LOX: variants seen among roughly 807,000 people sequenced by gnomAD.
LOX encodes the protein lysyl oxidase.
In LOX, 12 loss-of-function variants were observed where a neutral mutation model predicts 50.5. The observed-to-expected ratio is 0.24, with a 90% CI of 0.15 to 0.38. LOX has a LOEUF of 0.38. LOX is among the 10% of genes least tolerant of loss of function. The probability of loss-of-function intolerance (pLI) is 1.00; values close to 1 mark genes in which losing one functional copy is unlikely to be tolerated. For synonymous variants in LOX, 254 were observed against 230.6 expected (o/e 1.10, Z -0.92); for missense variants, 504 against 563.8 (o/e 0.89, Z 1.07).
chr5:122,077,344 G>A lies in LOX; in HGVS notation c.631+11C>T. ...TGCACGGGTGCTTCCAGCGGACTTG[G>A]GGGTACTTACCGTACTGGAAGTAGC... On this transcript the variant is annotated intron_variant, in intron 1 of 6. Transcript: ENST00000231004. The surrounding 1 kb of genome is among the most constrained non-coding windows in gnomAD (Gnocchi z 4.9). The A allele has an allele frequency of 1.2e-6, 2 of 1,613,622 alleles. No individual in the cohort carries two copies. The highest frequency in any genetic ancestry group is 8.5e-7 in the Non-Finnish European group (1 of 1,179,964).
At chr5:122,070,654 C>CA in intron 4 of LOX, 65 bp from the exon 5 acceptor site, 4 of 786,638 alleles carry the variant, frequency 5.1e-6, no homozygotes, top group African/African-American at 1.7e-5. Context: ...AAATAATATG[C>CA]TATTATTTGC....
At chr5:122,070,685 A>G in intron 4 of LOX, 96 bp from the exon 5 acceptor site, 1 of 635,010 alleles carries the variant, frequency 1.6e-6, no homozygotes. Context: ...TTAAGTTAGT[A>G]CTTACAAGAG....
intron 4 of LOX, among the ~76,000 whole-genome samples, chr5:122,071,578 A>G (rs1754454667): frequency 6.6e-6 from 1 of 152,184 alleles, no homozygotes; most frequent in Non-Finnish European, 1.5e-5. Context: ...TGCTTTTAAG[A>G]ATGTTATAGT....
At chr5:122,072,686 A>G (rs752963584) in intron 4 of LOX, among the ~76,000 whole-genome samples, 30 of 152,224 alleles carry the variant, frequency 2.0e-4, no homozygotes, top group Non-Finnish European at 3.5e-4. Context: ...ACAAATATAT[A>G]AATCGCTCAA....
rs1754280997 is a variant in LOX at position 122,065,729 on chromosome 5, C to T, written c.*1014G>A. On this transcript the variant is annotated 3_prime_UTR_variant, in exon 7 of 7. Transcript: ENST00000231004. ...GAACATCTTTTTAAAATCTAGAAAA[C>T]TTGAAAAATCCTAAAATGTTTTTCA... is the stretch of plus-strand genomic sequence containing the variant. The T allele has an allele frequency of 6.6e-6, 1 of 151,996 alleles. No individual in the cohort carries two copies. Among genetic ancestry groups the T allele is most frequent in the Non-Finnish European group, 1.5e-5 (1 of 67,964 alleles). The allele number at this position is 151,996 out of a possible 1,614,324, so 9.4% of individuals were successfully genotyped here. A position where few individuals can be genotyped will look rare whatever the true frequency, so the allele number is the denominator to read the frequency against.
chr5:122,078,198 C>T lies in LOX; in HGVS notation c.-213G>A. ...CGGACGTGGCACCCTTCCCTTTCCC[C>T]TTTCTCAGTCCTGGAAGGCAACGGG... On this transcript the variant is annotated 5_prime_UTR_variant, in exon 1 of 7. Transcript: ENST00000231004. The T allele has an allele frequency of 2.2e-6, 1 of 450,950 alleles. No homozygotes were observed. Among genetic ancestry groups the T allele is most frequent in the Non-Finnish European group, 3.8e-6 (1 of 264,206 alleles). The allele number at this position is 450,950 out of a possible 1,614,324, so 27.9% of individuals were successfully genotyped here. A position where few individuals can be genotyped will look rare whatever the true frequency, so the allele number is the denominator to read the frequency against.
Position 122,075,496 on chromosome 5 carries a change from C to A in LOX, c.786G>T (p.Leu262=), listed in dbSNP as rs1035943090. ...TTTTCACTCTTTGGGGAAATCTGAG[C>A]AGCACCCTGTGATCATAATCTCTGA... ...ADVRDYDHRV[L]LRFPQRVKNQ... Residue 262 remains leucine, a synonymous_variant, in exon 3 of 7, where the codon CTG becomes CTT. Coordinates refer to ENST00000231004, the MANE Select transcript of LOX (RefSeq NM_002317.7). The A allele has an allele frequency of 5.6e-6, 9 of 1,612,958 alleles. No individual in the cohort carries two copies. Among genetic ancestry groups the A allele is most frequent in the Non-Finnish European group, 7.6e-6 (9 of 1,179,332 alleles).
rs1035348231 is a variant in LOX, at chr5:122,064,049, G to C, written c.*2694C>G. 1.3e-5 allele frequency: 2 copies of C among 151,882 alleles called. No homozygotes were observed. The highest frequency in any genetic ancestry group is 2.1e-4 in the South Asian group (1 of 4,822). The allele number at this position is 151,882 out of a possible 1,614,324, so 9.4% of individuals were successfully genotyped here. A position where few individuals can be genotyped will look rare whatever the true frequency, so the allele number is the denominator to read the frequency against. On this transcript the variant is annotated 3_prime_UTR_variant, in exon 7 of 7. Transcript: ENST00000231004. ...CAGACTGTGGTCTGAATCATCATGAGATCGCTAATATGGCATATTGTAAAC... is the reference window on the plus strand; with the variant it reads ...CAGACTGTGGTCTGAATCATCATGACATCGCTAATATGGCATATTGTAAAC...
rs372215557 is a variant in LOX at position 122,071,048 on chromosome 5, C to A, written c.1036-459G>T. ...GTGGATAGCTTTTACAGTGTTTATC[C>A]CTTTTTGCTCTGCATTATAACATGC... On this transcript the variant is annotated intron_variant, in intron 4 of 6. Transcript: ENST00000231004. 2.7e-5 allele frequency among the ~76,000 whole-genome samples: 4 copies of A among 149,014 alleles called. No homozygotes were observed. In the East Asian group the frequency reaches 5.9e-4, roughly 22 times the overall value.
chr5:122,070,469 A>AT, intron 5 of LOX, 25 bp downstream of exon 5: 1 of 1,259,842 alleles, frequency 7.9e-7, no homozygotes, highest in Non-Finnish European at 1.2e-6. Flanking sequence ...ATATCAATAT[A>AT]TGATATATTT....
Position 122,077,145 on chromosome 5 carries a change from A to G in LOX, c.632-144T>C, listed in dbSNP as rs879306989. On this transcript the variant is annotated intron_variant, in intron 1 of 6. Transcript: ENST00000231004. This position sits in a 1 kb window ranked among gnomAD's most constrained non-coding sequence, Gnocchi z 4.9. Reference sequence around the variant, plus strand: ...GCGGAGGACAGCAAGAGAACTGGGGACGCCCGGGACTGCAAAGCAATGTGA... The same window carrying G: ...GCGGAGGACAGCAAGAGAACTGGGGGCGCCCGGGACTGCAAAGCAATGTGA... 2.9e-5 allele frequency: 43 copies of G among 1,468,904 alleles called. No individual in the cohort carries two copies. Among genetic ancestry groups the G allele is most frequent in the Non-Finnish European group, 3.7e-5 (41 of 1,116,012 alleles). The allele number at this position is 1,468,904 out of a possible 1,614,324, so 91.0% of individuals were successfully genotyped here.
intron 5 of LOX, 136 bp from the exon 6 acceptor site, chr5:122,070,304 T>C (rs371425918): frequency 7.5e-6 from 5 of 665,726 alleles, no homozygotes; most frequent in African/African-American, 3.6e-5. Flanking sequence ...GGAGACGTTA[T>C]GGAAAGAGAC....
At position 122,078,014 on chromosome 5, in the gene LOX, G is replaced by A. The variant is rs895776127; in HGVS notation, c.-29C>T. The A allele has an allele frequency of 6.9e-6, 10 of 1,439,172 alleles. No individual in the cohort carries two copies. The highest frequency in any genetic ancestry group is 1.9e-4 in the Middle Eastern group (1 of 5,404). 89.2% of individuals were successfully genotyped at this position (1,439,172 alleles called of 1,614,324 possible). On this transcript the variant is annotated 5_prime_UTR_variant, in exon 1 of 7. Transcript: ENST00000231004. Reference sequence around the variant, plus strand: ...TCCTTTTGCCAGATTGACCCCGCTCGAGGAGGACGTGGCTCACAGAAAATA... The same window carrying A: ...TCCTTTTGCCAGATTGACCCCGCTCAAGGAGGACGTGGCTCACAGAAAATA...
chr5:122,071,128 G>A lies in LOX; in HGVS notation c.1036-539C>T, dbSNP rs573969651. Among the ~76,000 whole-genome samples the A allele has an allele frequency of 2.6e-5, 4 of 152,088 alleles. No homozygotes were observed. The South Asian group carries it at 6.2e-4, about 24-fold the overall frequency. ...CAAGTTCCCTAAGGGTAGAGTTTAC[G>A]TTGTATCTTTGAATAACTAACATTT... On this transcript the variant is annotated intron_variant, in intron 4 of 6. Transcript: ENST00000231004.
At chr5:122,068,602 C>G (rs1208239077) in intron 6 of LOX, among the ~76,000 whole-genome samples, 1 of 152,106 alleles carries the variant, frequency 6.6e-6, no homozygotes, top group Non-Finnish European at 1.5e-5. Context: ...CTGTACCTGA[C>G]AATGGGTATA....
In LOX at chr5:122,064,024, C is replaced by T. The variant is rs545222168; in HGVS notation, c.*2719G>A. ...CTCAGAGGTCAAGACATCTTTAACC[C>T]AGACTGTGGTCTGAATCATCATGAG... On this transcript the variant is annotated 3_prime_UTR_variant, in exon 7 of 7. Coordinates refer to ENST00000231004, the MANE Select transcript of LOX (RefSeq NM_002317.7). 6.6e-6 allele frequency: 1 copy of T among 151,976 alleles called. No homozygotes were observed. Among genetic ancestry groups the T allele is most frequent in the Admixed American group, 6.6e-5 (1 of 15,236 alleles). The allele number at this position is 151,976 out of a possible 1,614,324, so 9.4% of individuals were successfully genotyped here. A position where few individuals can be genotyped will look rare whatever the true frequency, so the allele number is the denominator to read the frequency against.
intron 2 of LOX, 49 bp downstream of exon 2, chr5:122,076,844 C>T: frequency 6.5e-7 from 1 of 1,540,764 alleles, no homozygotes; most frequent in Non-Finnish European, 9.0e-7. Context: ...ACCAGAGCGC[C>T]CCCTGAAGGT....
intron 2 of LOX, 120 bp downstream of exon 2, chr5:122,076,773 C>A: frequency 1.3e-6 from 1 of 798,044 alleles, no homozygotes; most frequent in South Asian, 1.6e-5. Flanking sequence ...GTCCCACTTC[C>A]CAGCTCTTGT....
At chr5:122,070,688 TACA>T in intron 4 of LOX, 99 bp from the exon 5 acceptor site, 3 of 619,076 alleles carry the variant, frequency 4.8e-6, no homozygotes, top group Non-Finnish European at 8.6e-6. Flanking sequence ...AGTTAGTACT[TACA>T]AGAGTCTGAC....
Sources: allele counts gnomAD v4.1 joint callset (sites outside exome capture counted in the v4.1 genomes callset), GRCh38; gene constraint gnomAD v4.1.1; non-coding constraint Gnocchi (gnomAD v3.1); transcripts MANE v1.5; gene names NCBI Gene and HGNC (gene_info 2026-07-23, HGNC 2026-07-21).